Variants in CITED2 observed in about 807,000 individuals in gnomAD.
CITED2 encodes Cbp/p300 interacting transactivator with ED-rich tail 2.
In CITED2, 2 loss-of-function variants were observed where a neutral mutation model predicts 11.8. That is an observed-to-expected ratio of 0.17 (90% CI 0.07 to 0.54). The LOEUF (loss-of-function observed/expected upper bound fraction) is 0.54. Among genes scored for constraint, CITED2 ranks in the 20% least tolerant of loss-of-function variants. The pLI, the probability that CITED2 is intolerant of heterozygous loss-of-function variation, is 0.94. For synonymous variants in CITED2, 210 were observed against 153.0 expected, an observed-to-expected ratio of 1.37 and a Z score of -2.75; for missense variants, 437 against 390.2, an observed-to-expected ratio of 1.12 and a Z score of -1.01.
chr6:139,374,493 G>A lies in CITED2; in HGVS notation c.-89C>T, dbSNP rs1322695775. The A allele has an allele frequency of 2.3e-5, 6 of 263,712 alleles. No individual in the cohort carries two copies. Among genetic ancestry groups the A allele is most frequent in the East Asian group, 6.6e-5 (1 of 15,264 alleles). 16.3% of individuals were successfully genotyped at this position (263,712 alleles called of 1,614,324 possible). The stretch of plus-strand genomic sequence containing the variant: ...GACCGGCTCAGCAGCACATAGAGGG[G>A]ACCTTCCTGGCGTGCAAAGCGCTTC... On this transcript the variant is annotated 5_prime_UTR_variant, in exon 1 of 2. Coordinates refer to ENST00000367651, the MANE Select transcript of CITED2 (RefSeq NM_006079.5).
intron 1 of CITED2, chr6:139,374,185 CG>C: frequency 2.1e-6 from 3 of 1,441,556 alleles, no homozygotes; most frequent in African/African-American, 1.4e-5. Flanking sequence ...TGCGATCGGG[CG>C]GGGGGACCCG....
At position 139,373,772 on chromosome 6, in the gene CITED2, T is replaced by C. The variant is rs1449425945; in HGVS notation, c.173A>G (p.Tyr58Cys). 6.2e-7 allele frequency: 1 copy of C among 1,610,598 alleles called. No homozygotes were observed. The change falls in exon 2 of 2, where the codon TAC becomes TGC. Residue 58 changes from tyrosine (Y) to cysteine (C), a missense_variant. Transcript: ENST00000367651. ...FNALMGEHIH[Y>C]GAGNMNATSG... Reference sequence around the variant, plus strand: ...CGTGGCATTCATGTTGCCCGCGCCGTAGTGTATGTGCTCGCCCATTAGGGC... The same window carrying C: ...CGTGGCATTCATGTTGCCCGCGCCGCAGTGTATGTGCTCGCCCATTAGGGC...
intron 1 of CITED2, 184 bp downstream of exon 1, chr6:139,374,229 T>G (rs1199704112): frequency 1.4e-6 from 2 of 1,423,152 alleles, no homozygotes; most frequent in Non-Finnish European, 1.8e-6. Flanking sequence ...CGAAGTGGCC[T>G]AATAAAGGAA....
chr6:139,374,300 G>A (rs1159784724), intron 1 of CITED2, 113 bp downstream of exon 1: 1 of 860,316 alleles, frequency 1.2e-6, no homozygotes, highest in East Asian at 2.7e-5. Flanking sequence ...TCCTGTTGTT[G>A]CACATCCTGT....
In CITED2 at chr6:139,373,928, A is replaced by G; in HGVS notation, c.17T>C (p.Met6Thr). The G allele has an allele frequency of 1.9e-6, 3 of 1,598,932 alleles. No individual in the cohort carries two copies. Among genetic ancestry groups the G allele is most frequent in the Non-Finnish European group, 2.5e-6 (3 of 1,179,826 alleles). Reference protein sequence around the residue: MADHMMAMNHGRFPDG... With the variant: MADHMTAMNHGRFPDG... Reference sequence around the variant, plus strand: ...GGGGAAGCGCCCGTGGTTCATGGCCATCATATGGTCTGCCATTTCCAGTCC... The same window carrying G: ...GGGGAAGCGCCCGTGGTTCATGGCCGTCATATGGTCTGCCATTTCCAGTCC... The change falls in exon 2 of 2, where the codon ATG (methionine) becomes ACG (threonine). Residue 6 changes from methionine (M) to threonine (T), a missense_variant. Physicochemically the swap from Met to Thr is moderately conservative, Grantham distance 81. This residue lies in a region of CITED2 where 396 missense variants were observed against 325.2 expected (regional missense o/e 1.22). Coordinates refer to ENST00000367651, the MANE Select transcript of CITED2 (RefSeq NM_006079.5).
At position 139,373,855 on chromosome 6, in the gene CITED2, C is replaced by T. The variant is rs774284061; in HGVS notation, c.90G>A (p.Met30Ile). 6.2e-7 allele frequency: 1 copy of T among 1,604,468 alleles called. No homozygotes were observed. Among genetic ancestry groups the T allele is most frequent in the Admixed American group, 1.7e-5 (1 of 60,020 alleles). The change falls in exon 2 of 2, where the codon ATG (methionine) becomes ATA (isoleucine). Residue 30 changes from methionine to isoleucine, a missense_variant. Around this residue, in one of 3 missense-constraint regions of CITED2, gnomAD observed 396 missense variants for 325.2 expected, o/e 1.22. Coordinates refer to ENST00000367651, the MANE Select transcript of CITED2 (RefSeq NM_006079.5). ...LHHHPAHRMG[M>I]GQFPSPHHHQ... ...GGTGATGGGGGCTCGGGAACTGCCC[C>T]ATGCCCATGCGGTGGGCAGGGTGAT...
chr6:139,373,402 G>C lies in CITED2; in HGVS notation c.543C>G (p.Ser181Arg), dbSNP rs1246978286. 1.9e-6 allele frequency: 3 copies of C among 1,547,600 alleles called. No individual in the cohort carries two copies. The highest frequency in any genetic ancestry group is 2.6e-6 in the Non-Finnish European group (3 of 1,152,826). Reference protein sequence around the residue: ...GGSSTPGGSGSSSGGGAGSSN... With the variant: ...GGSSTPGGSGRSSGGGAGSSN... ...TGCTGCCCGCGCCGCCGCCCGAGCTGCTGCCAGAGCCGCCGGGGGTGCTGC... is the reference window on the plus strand; with the variant it reads ...TGCTGCCCGCGCCGCCGCCCGAGCTCCTGCCAGAGCCGCCGGGGGTGCTGC... The change falls in exon 2 of 2, where the codon AGC becomes AGG. Residue 181 changes from serine to arginine, a missense_variant. Transcript: ENST00000367651.
rs1437541673 is a variant in CITED2 at position 139,371,835 on chromosome 6, CATCA to C, written c.*1293_*1296del. 3 of 152,172 alleles carry C rather than the reference CATCA, an allele frequency of 2.0e-5. No homozygotes were observed. The highest frequency in any genetic ancestry group is 4.4e-5 in the Non-Finnish European group (3 of 68,024). 9.4% of individuals were successfully genotyped at this position (152,172 alleles called of 1,614,324 possible). ...AGGTAGATTTATATTTAATGCCACC[CATCA>C]ATCAATCAGTGTATTATTCCAATCT... On this transcript the variant is annotated 3_prime_UTR_variant, in exon 2 of 2. Transcript: ENST00000367651.
At position 139,373,789 on chromosome 6, in the gene CITED2, C is replaced by A. The variant is rs747114438; in HGVS notation, c.156G>T (p.Met52Ile). 1 of 1,610,320 alleles carries A rather than the reference C, an allele frequency of 6.2e-7. No individual in the cohort carries two copies. The highest frequency in any genetic ancestry group is 1.3e-5 in the African/African-American group (1 of 74,908). ...CCGCGCCGTAGTGTATGTGCTCGCC[C>A]ATTAGGGCGTTGAAGGCGTGCTGGG... is the stretch of plus-strand genomic sequence containing the variant. ...QQPQHAFNAL[M>I]GEHIHYGAGN... The change falls in exon 2 of 2, where the codon ATG becomes ATT. Residue 52 changes from methionine to isoleucine, a missense_variant. Around this residue, in one of 3 missense-constraint regions of CITED2, gnomAD observed 396 missense variants for 325.2 expected, o/e 1.22. Transcript: ENST00000367651.
In CITED2 at chr6:139,373,967, G is replaced by T. The variant is rs763479847; in HGVS notation, c.-8-15C>A. 1 of 1,593,000 alleles carries T rather than the reference G, an allele frequency of 6.3e-7. No individual in the cohort carries two copies. Among genetic ancestry groups the T allele is most frequent in the Admixed American group, 1.7e-5 (1 of 59,262 alleles). ...CATTTCCAGTCCTGGAAGTGAAAAG[G>T]GCAGATAATGAGACCCGCGCCACAC... is the stretch of plus-strand genomic sequence containing the variant. On this transcript the variant is annotated splice_polypyrimidine_tract_variant and intron_variant, in intron 1 of 1. Coordinates refer to ENST00000367651, the MANE Select transcript of CITED2 (RefSeq NM_006079.5).
At position 139,372,612 on chromosome 6, in the gene CITED2, C is replaced by T. The variant is rs896951288; in HGVS notation, c.*520G>A. 1.1e-5 allele frequency: 2 copies of T among 181,570 alleles called. No individual in the cohort carries two copies. Among genetic ancestry groups the T allele is most frequent in the Non-Finnish European group, 2.4e-5 (2 of 83,914 alleles). The allele number at this position is 181,570 out of a possible 1,614,324, so 11.2% of individuals were successfully genotyped here. On this transcript the variant is annotated 3_prime_UTR_variant, in exon 2 of 2. Transcript: ENST00000367651. ...ACATCTGTTTAATCTTCCAGTTTAG[C>T]ATATTTTAAAAATTAGTCTGTACTC...
rs1239628091 is a variant in CITED2 at position 139,372,145 on chromosome 6, G to GT, written c.*986dup. 6.6e-6 allele frequency: 1 copy of GT among 152,070 alleles called. No homozygotes were observed. Among genetic ancestry groups the GT allele is most frequent in the Non-Finnish European group, 1.5e-5 (1 of 68,016 alleles). The allele number at this position is 152,070 out of a possible 1,614,324, so 9.4% of individuals were successfully genotyped here. A position where few individuals can be genotyped will look rare whatever the true frequency, so the allele number is the denominator to read the frequency against. On this transcript the variant is annotated 3_prime_UTR_variant, in exon 2 of 2. Coordinates refer to ENST00000367651, the MANE Select transcript of CITED2 (RefSeq NM_006079.5). The stretch of plus-strand genomic sequence containing the variant: ...TCATCATGACCTGTTTTAGTGTCCT[G>GT]TAATTTATCCTTTGGAATGCTTACT...
intron 1 of CITED2, chr6:139,374,188 G>T (rs376495906): frequency 2.1e-6 from 3 of 1,442,758 alleles, no homozygotes; most frequent in East Asian, 5.0e-5. Flanking sequence ...GATCGGGCGG[G>T]GGGACCCGAG....
chr6:139,371,835 C>T lies in CITED2; in HGVS notation c.*1297G>A, dbSNP rs988299914. On this transcript the variant is annotated 3_prime_UTR_variant, in exon 2 of 2. Transcript: ENST00000367651. ...AGGTAGATTTATATTTAATGCCACC[C>T]ATCAATCAATCAGTGTATTATTCCA... is the stretch of plus-strand genomic sequence containing the variant. The T allele has an allele frequency of 5.3e-5, 8 of 152,172 alleles. No homozygotes were observed. The highest frequency in any genetic ancestry group is 4.6e-4 in the Admixed American group (7 of 15,278). The allele number at this position is 152,172 out of a possible 1,614,324, so 9.4% of individuals were successfully genotyped here.
In CITED2 at chr6:139,373,858, G is replaced by A. The variant is rs1330673076; in HGVS notation, c.87C>T (p.Gly29=). 2 of 1,604,244 alleles carry A rather than the reference G, an allele frequency of 1.2e-6. No individual in the cohort carries two copies. Among genetic ancestry groups the A allele is most frequent in the East Asian group, 2.2e-5 (1 of 44,858 alleles). ...GATGGGGGCTCGGGAACTGCCCCAT[G>A]CCCATGCGGTGGGCAGGGTGATGGT... The part of the protein sequence containing the change: ...GLHHHPAHRM[G]MGQFPSPHHH... The change falls in exon 2 of 2, where the codon GGC becomes GGT. Residue 29 remains glycine (G), a synonymous_variant. Coordinates refer to ENST00000367651, the MANE Select transcript of CITED2 (RefSeq NM_006079.5).
chr6:139,373,960 T>A lies in CITED2; in HGVS notation c.-8-8A>T. 6.3e-7 allele frequency: 1 copy of A among 1,595,890 alleles called. No homozygotes were observed. The highest frequency in any genetic ancestry group is 8.5e-7 in the Non-Finnish European group (1 of 1,178,842). On this transcript the variant is annotated splice_polypyrimidine_tract_variant and splice_region_variant and intron_variant, in intron 1 of 1. Coordinates refer to ENST00000367651, the MANE Select transcript of CITED2 (RefSeq NM_006079.5). Reference sequence around the variant, plus strand: ...GGTCTGCCATTTCCAGTCCTGGAAGTGAAAAGGGCAGATAATGAGACCCGC... The same window carrying A: ...GGTCTGCCATTTCCAGTCCTGGAAGAGAAAAGGGCAGATAATGAGACCCGC...
chr6:139,373,758 T>C lies in CITED2; in HGVS notation c.187A>G (p.Met63Val), dbSNP rs762473911. 3 of 1,610,916 alleles carry C rather than the reference T, an allele frequency of 1.9e-6. No homozygotes were observed. The African/African-American group carries it at 4.0e-5, about 22-fold the overall frequency. Residue 63 changes from methionine (M) to valine (V), a missense_variant, in exon 2 of 2, where the codon ATG (methionine) becomes GTG (valine). By Grantham distance (21) the Met-to-Val change is conservative. Around this residue, in one of 3 missense-constraint regions of CITED2, gnomAD observed 396 missense variants for 325.2 expected, o/e 1.22. Transcript: ENST00000367651. ...GEHIHYGAGN[M>V]NATSGIRHAM... ...TGCCTGATGCCGCTCGTGGCATTCA[T>C]GTTGCCCGCGCCGTAGTGTATGTGC... is the stretch of plus-strand genomic sequence containing the variant.
intron 1 of CITED2, 69 bp downstream of exon 1, chr6:139,374,344 C>T: frequency 1.7e-6 from 1 of 599,628 alleles, no homozygotes. Context: ...CGCTCTTCCT[C>T]CGGGCAAACC....
rs1335041572 is a variant in CITED2 at position 139,373,417 on chromosome 6, G to C, written c.528C>G (p.Pro176=). The C allele has an allele frequency of 1.3e-6, 2 of 1,537,032 alleles. No homozygotes were observed. The highest frequency in any genetic ancestry group is 4.1e-5 in the Admixed American group (2 of 48,982). Residue 176 remains proline (P), a synonymous_variant, in exon 2 of 2, where the codon CCC becomes CCG. Coordinates refer to ENST00000367651, the MANE Select transcript of CITED2 (RefSeq NM_006079.5). The stretch of plus-strand genomic sequence containing the variant: ...CGCCCGAGCTGCTGCCAGAGCCGCC[G>C]GGGGTGCTGCTGCCGCCCGAGCCGC... ...TPGGSGGSST[P]GGSGSSSGGG...
Sources: gnomAD v4.1 joint callset for allele counts on GRCh38, gnomAD v4.1.1 for gene constraint, gnomAD v4.1.1 regional missense constraint, MANE v1.5 for transcripts, NCBI Gene and HGNC (gene_info 2026-07-23, HGNC 2026-07-21) for gene names.